The following CAD variants were observed in gnomAD, a reference collection of about 807,000 sequenced individuals.
CAD encodes multifunctional protein CAD.
A neutral mutation model predicts 237.2 loss-of-function variants in CAD; 81 were observed. That is an observed-to-expected ratio of 0.34 (90% confidence interval 0.29 to 0.41). CAD has a LOEUF of 0.41. CAD is among the 10% of genes least tolerant of loss of function. The pLI is 1.00. For synonymous variants in CAD, 1,196 were observed against 1,162.8 expected, an observed-to-expected ratio of 1.03 and a Z score of -0.58; for missense variants, 2,181 against 2,951.7, an observed-to-expected ratio of 0.74 and a Z score of 6.05.
Position 27,225,210 on chromosome 2 carries a change from G to A in CAD, c.1587G>A (p.Val529=), listed in dbSNP as rs1217684804. Residue 529 remains valine (V), a synonymous_variant, in exon 11 of 44, where the codon GTG becomes GTA. Coordinates refer to ENST00000264705, the MANE Select transcript of CAD (RefSeq NM_004341.5). ...AARMAEIGEH[V]APSEAANSLE... ...GAATGGCAGAGATCGGAGAGCATGTGGCCCCGAGCGAGGCAGCAAATTCTC... is the reference window on the plus strand; with the variant it reads ...GAATGGCAGAGATCGGAGAGCATGTAGCCCCGAGCGAGGCAGCAAATTCTC... The A allele has an allele frequency of 6.2e-7, 1 of 1,613,956 alleles. No homozygotes were observed. The highest frequency in any genetic ancestry group is 8.5e-7 in the Non-Finnish European group (1 of 1,179,922).
In CAD at chr2:27,234,770, C is replaced by T. The variant is rs1250073907; in HGVS notation, c.3786+85C>T. 7.7e-6 allele frequency: 10 copies of T among 1,293,970 alleles called. No homozygotes were observed. In the African/African-American group the frequency reaches 1.5e-4, roughly 19 times the overall value. The allele number at this position is 1,293,970 out of a possible 1,614,324, so 80.2% of individuals were successfully genotyped here. A position where few individuals can be genotyped will look rare whatever the true frequency, so the allele number is the denominator to read the frequency against. ...CACACAGAGTTGTCAGTATGTAAAC[C>T]AGGCACTGACTGCAAGGCATTGCCG... On this transcript the variant is annotated intron_variant, in intron 23 of 43. Coordinates refer to ENST00000264705, the MANE Select transcript of CAD (RefSeq NM_004341.5).
At chr2:27,231,705 C>T (rs930211971) in intron 16 of CAD, 125 bp downstream of exon 16, 3 of 702,800 alleles carry the variant, frequency 4.3e-6, no homozygotes, top group Non-Finnish European at 7.3e-6. Flanking sequence ...TTTGTTTCCA[C>T]TTTGCTGAGA....
chr2:27,219,335 G>C (rs2148053846), intron 2 of CAD, among the ~76,000 whole-genome samples: 1 of 147,728 alleles, frequency 6.8e-6, no homozygotes, highest in South Asian at 2.1e-4. Flanking sequence ...TGAGTAACAA[G>C]TTTATGGTTT....
rs1159249753 is a variant in CAD, at chr2:27,235,900, T to G, written c.4074+260T>G. 9 of 485,792 alleles carry G rather than the reference T, an allele frequency of 1.9e-5. No homozygotes were observed. The South Asian group carries it at 2.3e-4, about 12-fold the overall frequency. The allele number at this position is 485,792 out of a possible 1,614,324, so 30.1% of individuals were successfully genotyped here. A position where few individuals can be genotyped will look rare whatever the true frequency, so the allele number is the denominator to read the frequency against. ...AAAAAAAAAAAAACAAAGAATTATC[T>G]CCTATTCCCCTGCTTTTATTATTAC... On this transcript the variant is annotated intron_variant, in intron 25 of 43. Transcript: ENST00000264705. The surrounding 1 kb of genome is among the most constrained non-coding windows in gnomAD (Gnocchi z 5.2).
At chr2:27,238,282 AGTCTGGAGACAGCAGGAGGAGG>A (rs546244813) in intron 30 of CAD, 95 bp downstream of exon 30, 18 of 1,510,678 alleles carry the variant, frequency 1.2e-5, no homozygotes, top group South Asian at 6.1e-5. Flanking sequence ...GCAGGAGGAG[AGTCTGGAGACAGCAGGAGGAGG>A]GTCTCGAGCC....
chr2:27,241,790 G>T lies in CAD; in HGVS notation c.5884-121G>T. 1.4e-6 allele frequency: 1 copy of T among 733,114 alleles called. No homozygotes were observed. The highest frequency in any genetic ancestry group is 2.7e-5 in the East Asian group (1 of 37,210). The allele number at this position is 733,114 out of a possible 1,614,324, so 45.4% of individuals were successfully genotyped here. ...AAGGCTCTGACAGGTCACAGGGGAG[G>T]TTTGGGTGCAGAAGGGTCCTCACAG... On this transcript the variant is annotated intron_variant, in intron 38 of 43. Transcript: ENST00000264705. This position sits in a 1 kb window ranked among gnomAD's most constrained non-coding sequence, Gnocchi z 4.6.
Position 27,232,713 on chromosome 2 carries a change from T to C in CAD, c.2892+19T>C. 5 of 1,614,006 alleles carry C rather than the reference T, an allele frequency of 3.1e-6. No individual in the cohort carries two copies. Among genetic ancestry groups the C allele is most frequent in the Non-Finnish European group, 4.2e-6 (5 of 1,179,908 alleles). ...CCGAAAGGTCAGAGAGTTCATTTTC[T>C]TTCCACTTTCCTTGCTATTCTGTTC... is the stretch of plus-strand genomic sequence containing the variant. On this transcript the variant is annotated intron_variant, in intron 18 of 43. Transcript: ENST00000264705. The surrounding 1 kb of genome is among the most constrained non-coding windows in gnomAD (Gnocchi z 4.1).
chr2:27,233,991 C>T lies in CAD; in HGVS notation c.3400-17C>T. On this transcript the variant is annotated splice_polypyrimidine_tract_variant and intron_variant, in intron 21 of 43. Coordinates refer to ENST00000264705, the MANE Select transcript of CAD (RefSeq NM_004341.5). The surrounding 1 kb of genome is among the most constrained non-coding windows in gnomAD (Gnocchi z 6.3). ...AGAAAGTGGCCCTATGTCCCACTGT[C>T]TGTGTCCCCCCGCTAGGAGATTGAC... The T allele has an allele frequency of 6.2e-7, 1 of 1,610,762 alleles. No individual in the cohort carries two copies.
chr2:27,225,592 G>C (rs1000636867), intron 11 of CAD, 113 bp from the exon 12 acceptor site: 7 of 860,958 alleles, frequency 8.1e-6, no homozygotes, highest in African/African-American at 3.3e-5. Flanking sequence ...GGTTACAGGC[G>C]TGAGCCACTA....
At chr2:27,228,922 C>CTTTTTTTTTTTTT (rs1183635798) in intron 15 of CAD, among the ~76,000 whole-genome samples, 31 of 105,896 alleles carry the variant, frequency 2.9e-4, no homozygotes, top group Non-Finnish European at 3.7e-4. Context: ...TTTTTTTTTT[C>CTTTTTTTTTTTTT]TTTTTTTTTT....
At position 27,241,429 on chromosome 2, in the gene CAD, C is replaced by T. The variant is rs1166523021; in HGVS notation, c.5883+33C>T. 12 of 1,607,272 alleles carry T rather than the reference C, an allele frequency of 7.5e-6. No homozygotes were observed. The highest frequency in any genetic ancestry group is 1.0e-5 in the Non-Finnish European group (12 of 1,173,896). Reference sequence around the variant, plus strand: ...TCAGGGCCGGGGGTAGGGTCCAGGCCATCGCCTGCCCTTGGGCCGCATCAG... The same window carrying T: ...TCAGGGCCGGGGGTAGGGTCCAGGCTATCGCCTGCCCTTGGGCCGCATCAG... On this transcript the variant is annotated intron_variant, in intron 38 of 43. Coordinates refer to ENST00000264705, the MANE Select transcript of CAD (RefSeq NM_004341.5). The surrounding 1 kb of genome is among the most constrained non-coding windows in gnomAD (Gnocchi z 4.6).
intron 13 of CAD, 39 bp from the exon 14 acceptor site, chr2:27,226,486 G>C: frequency 1.2e-6 from 2 of 1,607,640 alleles, no homozygotes; most frequent in Admixed American, 3.3e-5. Flanking sequence ...TCCTAGACAG[G>C]GTCTTCTAGG....
chr2:27,223,784 G>A (rs376011086), intron 7 of CAD, 36 bp downstream of exon 7: 2 of 1,606,214 alleles, frequency 1.2e-6, no homozygotes, highest in Admixed American at 1.7e-5. Flanking sequence ...AAAATTTGAA[G>A]CCCTGTGGGC....
intron 15 of CAD, among the ~76,000 whole-genome samples, chr2:27,228,492 G>A (rs1675548472): frequency 6.6e-6 from 1 of 152,236 alleles, no homozygotes; most frequent in African/African-American, 2.4e-5. Flanking sequence ...GGAAAGCTCA[G>A]GTGGGAGGAT....
In CAD at chr2:27,236,312, A is replaced by C; in HGVS notation, c.4103A>C (p.Glu1368Ala). ...ACAGCTGTGGACTGGCACTTTGAGGAGGCTGTGGATGGTGAGTGCCCACCA... is the reference window on the plus strand; with the variant it reads ...ACAGCTGTGGACTGGCACTTTGAGGCGGCTGTGGATGGTGAGTGCCCACCA... Reference protein sequence around the residue: ...KVTAVDWHFEEAVDGECPPQR... With the variant: ...KVTAVDWHFEAAVDGECPPQR... Residue 1368 changes from glutamate to alanine, a missense_variant, in exon 26 of 44, where the codon GAG (glutamate) becomes GCG (alanine). By Grantham distance (107) the Glu-to-Ala change is moderately radical. This residue lies in a region of CAD where 306 missense variants were observed against 607.9 expected (regional missense o/e 0.50). Coordinates refer to ENST00000264705, the MANE Select transcript of CAD (RefSeq NM_004341.5). This position sits in a 1 kb window ranked among gnomAD's most constrained non-coding sequence, Gnocchi z 4.1. 6.2e-7 allele frequency: 1 copy of C among 1,614,050 alleles called. No individual in the cohort carries two copies. The highest frequency in any genetic ancestry group is 8.5e-7 in the Non-Finnish European group (1 of 1,179,992).
At position 27,232,646 on chromosome 2, in the gene CAD, C is replaced by T. The variant is rs764164496; in HGVS notation, c.2844C>T (p.Ser948=). ...CTGGCGTCTACCGTATTGGCTCTAG[C>T]GTTGAATTTGACTGGTGTGCTGTAG... ...LGSGVYRIGS[S]VEFDWCAVGC... Residue 948 remains serine (S), a synonymous_variant, in exon 18 of 44, where the codon AGC becomes AGT. Coordinates refer to ENST00000264705, the MANE Select transcript of CAD (RefSeq NM_004341.5). The surrounding 1 kb of genome is among the most constrained non-coding windows in gnomAD (Gnocchi z 4.1). 19 of 1,614,178 alleles carry T rather than the reference C, an allele frequency of 1.2e-5. No homozygotes were observed. Among genetic ancestry groups the T allele is most frequent in the East Asian group, 6.7e-5 (3 of 44,888 alleles).
At position 27,238,475 on chromosome 2, in the gene CAD, C is replaced by G; in HGVS notation, c.4905C>G (p.Thr1635=). 6.2e-7 allele frequency: 1 copy of G among 1,606,552 alleles called. No homozygotes were observed. The highest frequency in any genetic ancestry group is 8.5e-7 in the Non-Finnish European group (1 of 1,176,438). ...KAAKARGLPV[T]CEVAPHHLFL... ...CAAAGGCACGGGGCTTGCCAGTGAC[C>G]TGCGAGGTGGCTCCCCACCACCTGT... is the stretch of plus-strand genomic sequence containing the variant. Residue 1635 remains threonine (T), a synonymous_variant, in exon 31 of 44, where the codon ACC becomes ACG. Coordinates refer to ENST00000264705, the MANE Select transcript of CAD (RefSeq NM_004341.5).
Position 27,237,963 on chromosome 2 carries a change from G to A in CAD, c.4728+81G>A, listed in dbSNP as rs72817510. On this transcript the variant is annotated intron_variant, in intron 29 of 43. Coordinates refer to ENST00000264705, the MANE Select transcript of CAD (RefSeq NM_004341.5). This position sits in a 1 kb window ranked among gnomAD's most constrained non-coding sequence, Gnocchi z 4.0. ...CCCCTGCCTAAGTGGGCTGGTAGCA[G>A]TGAGGATTCAGGGGAGCTCCTGGGG... 0.016 allele frequency: 24,486 copies of A among 1,578,814 alleles called. 465 individuals carry two copies. Among genetic ancestry groups the A allele is most frequent in the African/African-American group, 0.093 (6,937 of 74,258 alleles).
At position 27,243,300 on chromosome 2, in the gene CAD, A is replaced by G. The variant is rs2148101758; in HGVS notation, c.6575+8A>G. On this transcript the variant is annotated splice_region_variant and intron_variant, in intron 43 of 43. Transcript: ENST00000264705. ...CCGTGTCAACGAGATAAGGTGGTGC[A>G]GCATCAGAGTCAGAGACTGCCTCGG... is the stretch of plus-strand genomic sequence containing the variant. The G allele has an allele frequency of 6.2e-7, 1 of 1,613,830 alleles. No individual in the cohort carries two copies. Among genetic ancestry groups the G allele is most frequent in the East Asian group, 2.2e-5 (1 of 44,874 alleles).
Sources: gnomAD v4.1 joint callset for allele counts (sites outside exome capture counted in the v4.1 genomes callset) on GRCh38, gnomAD v4.1.1 for gene constraint, gnomAD v4.1.1 regional missense constraint, Gnocchi (gnomAD v3.1) non-coding constraint, MANE v1.5 for transcripts, NCBI Gene and HGNC (gene_info 2026-07-23, HGNC 2026-07-21) for gene names.